Variants in GRID2 observed in about 807,000 individuals in gnomAD.
The protein encoded by GRID2 is glutamate receptor ionotropic, delta-2.
Under a neutral mutation model 114.8 loss-of-function variants are expected in GRID2, and 33 were observed. That is an observed-to-expected ratio of 0.29 (90% CI 0.22 to 0.38). GRID2 has a LOEUF of 0.38. GRID2 is among the 10% of genes least tolerant of loss of function. GRID2 has a pLI of 1.00. For missense variants in GRID2, 1,184 were observed against 1,257.7 expected (o/e 0.94, Z 0.89); for synonymous variants, 505 against 449.9 (o/e 1.12, Z -1.55).
chr4:93,463,744 T>C (rs796435907), intron 11 of GRID2, among the ~76,000 whole-genome samples: 22 of 152,068 alleles, frequency 1.4e-4, no homozygotes, highest in South Asian at 1.2e-3. Flanking sequence ...AATCCCAGCA[T>C]TTTGGGAGGC....
At chr4:93,395,576 G>GA (rs1465143215) in intron 8 of GRID2, 31 bp from the exon 9 acceptor site, 1 of 1,021,530 alleles carries the variant, frequency 9.8e-7, no homozygotes, top group Non-Finnish European at 1.6e-6. Flanking sequence ...TCTTCAGGCA[G>GA]AAAAATGACC....
At chr4:92,787,832 C>G (rs1432814254) in intron 2 of GRID2, among the ~76,000 whole-genome samples, 1 of 151,754 alleles carries the variant, frequency 6.6e-6, no homozygotes, top group African/African-American at 2.4e-5. Context: ...TGATAGAAGA[C>G]CGATGACATG....
At chr4:93,123,786 C>A (rs1734008012) in intron 4 of GRID2, among the ~76,000 whole-genome samples, 1 of 152,106 alleles carries the variant, frequency 6.6e-6, no homozygotes, top group Non-Finnish European at 1.5e-5. Flanking sequence ...AGTGAGAATT[C>A]TTGACCATTT....
intron 2 of GRID2, among the ~76,000 whole-genome samples, chr4:93,026,767 C>A (rs540107287): frequency 2.6e-5 from 4 of 151,692 alleles, no homozygotes; most frequent in Non-Finnish European, 5.9e-5. Flanking sequence ...TTATGAATAC[C>A]TAAATTTAAG....
intron 1 of GRID2, among the ~76,000 whole-genome samples, chr4:92,509,655 G>A (rs867971370): frequency 1.3e-5 from 2 of 151,884 alleles, no homozygotes; most frequent in Non-Finnish European, 2.9e-5. Context: ...GTAGAGTAGT[G>A]GCATTGCAAA....
At chr4:93,203,437 G>A (rs1315859503) in intron 4 of GRID2, among the ~76,000 whole-genome samples, 1 of 151,828 alleles carries the variant, frequency 6.6e-6, no homozygotes, top group East Asian at 1.9e-4. Context: ...TTATTCTTAA[G>A]GACCATTCTA....
At chr4:92,989,276 C>CAAAAA (rs1182397768) in intron 2 of GRID2, among the ~76,000 whole-genome samples, 27 of 74,294 alleles carry the variant, frequency 3.6e-4, no homozygotes, top group East Asian at 8.8e-4. Context: ...GACTCCATCT[C>CAAAAA]AAAAAAAAAA....
At chr4:93,737,122 G>T (rs1730992158) in intron 14 of GRID2, among the ~76,000 whole-genome samples, 1 of 151,992 alleles carries the variant, frequency 6.6e-6, no homozygotes. Flanking sequence ...GAGTTGCTTG[G>T]AGAATTTACA....
At chr4:92,687,964 G>T (rs1214222139) in intron 2 of GRID2, among the ~76,000 whole-genome samples, 1 of 148,990 alleles carries the variant, frequency 6.7e-6, no homozygotes, top group Non-Finnish European at 1.5e-5. Flanking sequence ...GTTGCTGAAG[G>T]TTGGGGATGC....
At chr4:92,525,956 T>C (rs1424033240) in intron 1 of GRID2, among the ~76,000 whole-genome samples, 1 of 152,024 alleles carries the variant, frequency 6.6e-6, no homozygotes, top group Non-Finnish European at 1.5e-5. Flanking sequence ...AAGTGATAAG[T>C]TTTCACAAAG....
chr4:93,339,374 C>A (rs926163718), intron 8 of GRID2, among the ~76,000 whole-genome samples: 1 of 152,206 alleles, frequency 6.6e-6, no homozygotes, highest in Middle Eastern at 3.4e-3. Context: ...GACCCACTGA[C>A]GACAGAGACA....
At chr4:93,476,681 A>G (rs1725349758) in intron 11 of GRID2, among the ~76,000 whole-genome samples, 1 of 152,246 alleles carries the variant, frequency 6.6e-6, no homozygotes. Context: ...AGCTGAAGAT[A>G]TTTCTAAATA....
intron 1 of GRID2, among the ~76,000 whole-genome samples, chr4:92,409,004 A>G (rs1731167956): frequency 6.6e-6 from 1 of 151,972 alleles, no homozygotes; most frequent in African/African-American, 2.4e-5. Context: ...TTCCAGTGCT[A>G]TGTTAAATAG....
Position 93,036,999 on chromosome 4 carries a change from T to C in GRID2, c.245-47996T>C, listed in dbSNP as rs75438561. ...CAGTAAATCTACAGATTGTTGGTCCTAGGATATATAGCTCTTCTGGTAATT... is the reference window on the plus strand; with the variant it reads ...CAGTAAATCTACAGATTGTTGGTCCCAGGATATATAGCTCTTCTGGTAATT... On this transcript the variant is annotated intron_variant, in intron 2 of 15. Coordinates refer to ENST00000282020, the MANE Select transcript of GRID2 (RefSeq NM_001510.4). Among the ~76,000 whole-genome samples the C allele has an allele frequency of 4.9e-3, 745 of 152,310 alleles. 8 individuals are homozygous for C. Among genetic ancestry groups the C allele is most frequent in the African/African-American group, 0.017 (714 of 41,576 alleles).
At chr4:93,691,311 T>A (rs1726543522) in intron 14 of GRID2, among the ~76,000 whole-genome samples, 1 of 152,054 alleles carries the variant, frequency 6.6e-6, no homozygotes, top group Non-Finnish European at 1.5e-5. Flanking sequence ...AAGATAATTA[T>A]CAGATTATTC....
chr4:93,203,492 A>G (rs1450400376), intron 4 of GRID2, among the ~76,000 whole-genome samples: 1 of 152,182 alleles, frequency 6.6e-6, no homozygotes, highest in Admixed American at 6.6e-5. Flanking sequence ...GTTTGTAAAA[A>G]AGATTCTAAA....
chr4:93,006,696 A>G (rs1721569472), intron 2 of GRID2, among the ~76,000 whole-genome samples: 1 of 151,988 alleles, frequency 6.6e-6, no homozygotes, highest in African/African-American at 2.4e-5. Context: ...ACACAAGACA[A>G]TGTTCATGAA....
intron 14 of GRID2, among the ~76,000 whole-genome samples, chr4:93,679,295 A>C (rs1286020392): frequency 3.3e-5 from 5 of 151,130 alleles, no homozygotes; most frequent in African/African-American, 1.2e-4. Flanking sequence ...TTAGTGACCT[A>C]CAAAGAGACT....
At chr4:93,510,186 A>C (rs955289985) in intron 12 of GRID2, among the ~76,000 whole-genome samples, 5 of 152,122 alleles carry the variant, frequency 3.3e-5, no homozygotes, top group African/African-American at 1.2e-4. Context: ...GTGATAACTT[A>C]AGTTGACTTG....
Sources: gnomAD v4.1 joint callset for allele counts (sites outside exome capture counted in the v4.1 genomes callset) on GRCh38, gnomAD v4.1.1 for gene constraint, MANE v1.5 for transcripts, NCBI Gene and HGNC (gene_info 2026-07-23, HGNC 2026-07-21) for gene names.